Variants in INSR observed in about 807,000 individuals in gnomAD.
The protein encoded by INSR is IR.
Under a neutral mutation model 142.6 loss-of-function variants are expected in INSR, and 67 were observed. The observed-to-expected ratio is 0.47, with a 90% CI of 0.39 to 0.58. The LOEUF (loss-of-function observed/expected upper bound fraction) is 0.58, where lower values mean the gene tolerates loss of function less well. INSR is among the 20% of genes least tolerant of loss of function. The probability of loss-of-function intolerance (pLI) is 0.00; values close to 1 mark genes in which losing one functional copy is unlikely to be tolerated. For missense variants in INSR, 1,248 were observed against 1,833.2 expected, an observed-to-expected ratio of 0.68 and a Z score of 5.83; for synonymous variants, 756 against 743.1, an observed-to-expected ratio of 1.02 and a Z score of -0.28.
chr19:7,153,034 ACACACAC>A, intron 9 of INSR, 107 bp from the exon 10 acceptor site: 1 of 372,226 alleles, frequency 2.7e-6, no homozygotes, highest in Non-Finnish European at 4.2e-6. Context: ...CACCACACAC[ACACACAC>A]CACACACCCC....
chr19:7,243,857 A>T (rs1315576577), intron 2 of INSR, among the ~76,000 whole-genome samples: 1 of 152,234 alleles, frequency 6.6e-6, no homozygotes, highest in Non-Finnish European at 1.5e-5. Flanking sequence ...GGATGATTTT[A>T]TATTAGGAAA....
intron 5 of INSR, among the ~76,000 whole-genome samples, chr19:7,171,832 G>A (rs1016293392): frequency 3.3e-5 from 5 of 151,920 alleles, no homozygotes; most frequent in African/African-American, 7.3e-5. Context: ...CTTTTTTCCC[G>A]AGGTTTTGCC....
intron 1 of INSR, among the ~76,000 whole-genome samples, chr19:7,284,974 G>C (rs1020969281): frequency 2.6e-5 from 4 of 152,122 alleles, no homozygotes; most frequent in Admixed American, 2.0e-4. Context: ...TGAGCATGCT[G>C]GTTTGAGGGT....
At position 7,115,333 on chromosome 19, in the gene INSR, T is replaced by G. The variant is rs1972298061; in HGVS notation, c.*1723A>C. On this transcript the variant is annotated 3_prime_UTR_variant, in exon 22 of 22. Coordinates refer to ENST00000302850, the MANE Select transcript of INSR (RefSeq NM_000208.4). ...GAAGAAACGGTGGATTCACGCCCAT[T>G]CGGAAGTTCTTGGTGGTGTGTAAGG... 6.6e-6 allele frequency: 1 copy of G among 152,184 alleles called. No homozygotes were observed. Among genetic ancestry groups the G allele is most frequent in the Non-Finnish European group, 1.5e-5 (1 of 68,046 alleles). The allele number at this position is 152,184 out of a possible 1,614,324, so 9.4% of individuals were successfully genotyped here.
chr19:7,129,544 C>G (rs2144824430), intron 14 of INSR, among the ~76,000 whole-genome samples: 1 of 152,128 alleles, frequency 6.6e-6, no homozygotes, highest in Middle Eastern at 3.4e-3. Context: ...AGGCTGGCCT[C>G]AAACTCCTGA....
In INSR at chr19:7,120,724, A is replaced by G. The variant is rs1972471063; in HGVS notation, c.3555T>C (p.Tyr1185=). 2.5e-6 allele frequency: 4 copies of G among 1,614,120 alleles called. No individual in the cohort carries two copies. Among genetic ancestry groups the G allele is most frequent in the African/African-American group, 1.3e-5 (1 of 75,050 alleles). The change falls in exon 20 of 22, where the codon TAT becomes TAC. Residue 1185 remains tyrosine, a synonymous_variant. Coordinates refer to ENST00000302850, the MANE Select transcript of INSR (RefSeq NM_000208.4). ...CCCCTTTCCGGTAGTAATCCGTTTCATAGATGTCTCTGGTCATTCCAAAGT... is the reference window on the plus strand; with the variant it reads ...CCCCTTTCCGGTAGTAATCCGTTTCGTAGATGTCTCTGGTCATTCCAAAGT... ...IGDFGMTRDI[Y]ETDYYRKGGK...
At chr19:7,245,000 A>T (rs867157328) in intron 2 of INSR, among the ~76,000 whole-genome samples, 1 of 135,838 alleles carries the variant, frequency 7.4e-6, no homozygotes, top group African/African-American at 2.8e-5. Context: ...CAGTGGCATG[A>T]TCTCGGCTCA....
chr19:7,285,136 G>A (rs1968312764), intron 1 of INSR, among the ~76,000 whole-genome samples: 2 of 151,650 alleles, frequency 1.3e-5, no homozygotes, highest in Non-Finnish European at 2.9e-5. Context: ...GCAACATAGC[G>A]AGCCCTTATC....
intron 1 of INSR, among the ~76,000 whole-genome samples, chr19:7,287,068 T>G (rs1252975889): frequency 6.6e-6 from 1 of 151,862 alleles, no homozygotes; most frequent in East Asian, 1.9e-4. Flanking sequence ...CAGGCTGATC[T>G]GAAACTCCTG....
intron 2 of INSR, among the ~76,000 whole-genome samples, chr19:7,195,411 G>A (rs545629749): frequency 9.2e-5 from 14 of 152,242 alleles, no homozygotes; most frequent in Admixed American, 9.2e-4. Flanking sequence ...GGGAGGCTGA[G>A]GCAGGAAGAT....
At chr19:7,140,195 C>T (rs775432939) in intron 13 of INSR, among the ~76,000 whole-genome samples, 5 of 152,010 alleles carry the variant, frequency 3.3e-5, no homozygotes, top group Non-Finnish European at 1.5e-5. Context: ...AGATGTGGTC[C>T]CAGGAGGGGT....
chr19:7,275,641 G>A (rs1968042733), intron 1 of INSR, among the ~76,000 whole-genome samples: 2 of 151,920 alleles, frequency 1.3e-5, no homozygotes, highest in Admixed American at 1.3e-4. Context: ...AACTTAGCGG[G>A]GTCGGGGGAG....
Position 7,200,534 on chromosome 19 carries a change from TAATA to T in INSR, c.653-15901_653-15898del, listed in dbSNP as rs771766856. On this transcript the variant is annotated intron_variant, in intron 2 of 21. Coordinates refer to ENST00000302850, the MANE Select transcript of INSR (RefSeq NM_000208.4). ...GCAAGACCTTATCTCTTTAAAAAAA[TAATA>T]AATAAAAAATTAAAAATTAGCTGGG... 1.8e-3 allele frequency among the ~76,000 whole-genome samples: 265 copies of T among 146,570 alleles called. 2 individuals carry two copies. Among genetic ancestry groups the T allele is most frequent in the Middle Eastern group, 7.2e-3 (2 of 276 alleles).
In INSR at chr19:7,260,339, C is replaced by T. The variant is rs146075170; in HGVS notation, c.652+7006G>A. Among the ~76,000 whole-genome samples the T allele has an allele frequency of 3.4e-3, 524 of 152,182 alleles. 1 individual carries two copies. The highest frequency in any genetic ancestry group is 6.4e-3 in the Non-Finnish European group (435 of 68,002). The stretch of plus-strand genomic sequence containing the variant: ...TCCCGGCCTCACCCACCCCTCTGGC[C>T]GGCAGTGAGCAGCTGGGGTGACCTC... On this transcript the variant is annotated intron_variant, in intron 2 of 21. Transcript: ENST00000302850.
intron 13 of INSR, among the ~76,000 whole-genome samples, chr19:7,138,155 G>A (rs906864456): frequency 4.6e-5 from 7 of 151,102 alleles, no homozygotes; most frequent in Non-Finnish European, 1.0e-4. Flanking sequence ...TAGTAGAGAC[G>A]GGGTTTCACC....
chr19:7,230,515 A>G (rs1287414657), intron 2 of INSR, among the ~76,000 whole-genome samples: 1 of 152,132 alleles, frequency 6.6e-6, no homozygotes, highest in East Asian at 1.9e-4. Flanking sequence ...CCTTTCAGAA[A>G]TATTACCTTG....
intron 2 of INSR, among the ~76,000 whole-genome samples, chr19:7,191,846 G>T (rs1428406247): frequency 4.5e-5 from 1 of 22,454 alleles, no homozygotes; most frequent in African/African-American, 1.3e-4. Context: ...AAGAGAGAGA[G>T]AAAAGAAAGA....
At chr19:7,127,155 C>T (rs1486851780) in intron 15 of INSR, among the ~76,000 whole-genome samples, 1 of 152,160 alleles carries the variant, frequency 6.6e-6, no homozygotes, top group Non-Finnish European at 1.5e-5. Context: ...GCCTCATCCT[C>T]CCGAGCGGCT....
At chr19:7,183,498 T>C (rs1362259264) in intron 3 of INSR, among the ~76,000 whole-genome samples, 1 of 152,130 alleles carries the variant, frequency 6.6e-6, no homozygotes, top group Non-Finnish European at 1.5e-5. Context: ...TTGATTATAC[T>C]GTCCTTCAGA....
Sources: gnomAD v4.1 joint callset for allele counts (sites outside exome capture counted in the v4.1 genomes callset) on GRCh38, gnomAD v4.1.1 for gene constraint, MANE v1.5 for transcripts, NCBI Gene and HGNC (gene_info 2026-07-23, HGNC 2026-07-21) for gene names.